BRD7: variants seen among roughly 807,000 people sequenced by gnomAD.
BRD7 encodes bromodomain-containing protein 7.
Under a neutral mutation model 82.1 loss-of-function variants are expected in BRD7, and 15 were observed. That is an observed-to-expected ratio of 0.18 (90% confidence interval 0.12 to 0.28). The LOEUF (loss-of-function observed/expected upper bound fraction) is 0.28, where lower values mean the gene tolerates loss of function less well. Among genes scored for constraint, BRD7 ranks in the 10% least tolerant of loss-of-function variants. The pLI is 1.00. For missense variants in BRD7, 638 were observed against 779.9 expected, an observed-to-expected ratio of 0.82 and a Z score of 2.17; for synonymous variants, 232 against 266.9, an observed-to-expected ratio of 0.87 and a Z score of 1.27.
At chr16:50,329,328 T>C (rs2037462816) in intron 8 of BRD7, among the ~76,000 whole-genome samples, 1 of 152,172 alleles carries the variant, frequency 6.6e-6, no homozygotes, top group African/African-American at 2.4e-5. Context: ...GTGAGGGCAG[T>C]GGCTTGCTTA....
At chr16:50,328,401 T>C (rs1481496592) in intron 9 of BRD7, among the ~76,000 whole-genome samples, 3 of 152,242 alleles carry the variant, frequency 2.0e-5, no homozygotes, top group East Asian at 1.9e-4. Context: ...GGAATTACTA[T>C]CTAAAAGTTA....
intron 2 of BRD7, among the ~76,000 whole-genome samples, chr16:50,367,564 G>A (rs2039195099): frequency 2.0e-5 from 3 of 152,198 alleles, no homozygotes; most frequent in Admixed American, 2.0e-4. Context: ...CAAGATGGTA[G>A]CTACTCATTC....
In BRD7 at chr16:50,326,349, C is replaced by G. The variant is rs770907325; in HGVS notation, c.1130G>C (p.Arg377Thr). The G allele has an allele frequency of 1.9e-6, 3 of 1,600,342 alleles. No individual in the cohort carries two copies. The highest frequency in any genetic ancestry group is 2.2e-5 in the South Asian group (2 of 90,236). Residue 377 changes from arginine to threonine, a missense_variant, in exon 10 of 17, where the codon AGA becomes ACA. Around this residue, in one of 3 missense-constraint regions of BRD7, gnomAD observed 402 missense variants for 500.8 expected, o/e 0.80. Coordinates refer to ENST00000394688, the MANE Select transcript of BRD7 (RefSeq NM_013263.5). ...CPVRLGMTTG[R>T]LQSGVNTLQG... The stretch of plus-strand genomic sequence containing the variant: ...CAAAGTATTCACTCCAGACTGAAGT[C>G]TTCCAGTTGTCATTCCCAGTCTCAC...
chr16:50,364,998 A>G (rs74861199), intron 2 of BRD7, among the ~76,000 whole-genome samples: 2,099 of 152,340 alleles, frequency 0.014, 41 homozygotes, highest in African/African-American at 0.047. Flanking sequence ...ACGTCAACAC[A>G]CTTGGGAGAC....
Position 50,350,145 on chromosome 16 carries a change from A to C in BRD7, c.469T>G (p.Ser157Ala), listed in dbSNP as rs144746973. The C allele has an allele frequency of 6.3e-7, 1 of 1,589,358 alleles. No individual in the cohort carries two copies. The highest frequency in any genetic ancestry group is 1.4e-5 in the African/African-American group (1 of 73,586). ...LQRKDPSAFFSFPVTDFIAPG... is the reference protein window; with the variant it reads ...LQRKDPSAFFAFPVTDFIAPG... ...GCAATAAAATCAGTCACAGGAAATG[A>C]AAAGAAAGCACTTGGATCTTTTCTG... The change falls in exon 5 of 17, where the codon TCA (serine) becomes GCA (alanine). Residue 157 changes from serine to alanine, a missense_variant. Transcript: ENST00000394688.
At chr16:50,366,681 A>G (rs940334561) in intron 2 of BRD7, among the ~76,000 whole-genome samples, 6 of 152,256 alleles carry the variant, frequency 3.9e-5, no homozygotes, top group African/African-American at 1.4e-4. Context: ...ATTTTGAAAT[A>G]GAAATAAGTA....
intron 6 of BRD7, among the ~76,000 whole-genome samples, chr16:50,337,256 C>CTTTTTTTTTTT (rs71138063): frequency 1.1e-5 from 1 of 93,254 alleles, no homozygotes; most frequent in Admixed American, 1.3e-4. Context: ...GTTCATTCTT[C>CTTTTTTTTTTT]TTTTTTTTTT....
intron 5 of BRD7, among the ~76,000 whole-genome samples, chr16:50,348,623 AAAG>A (rs1348179600): frequency 3.9e-5 from 6 of 152,222 alleles, no homozygotes; most frequent in African/African-American, 1.4e-4. Context: ...ACACTTCTCA[AAAG>A]AAGACATTCA....
At chr16:50,322,181 G>A in intron 12 of BRD7, 143 bp from the exon 13 acceptor site, 1 of 638,902 alleles carries the variant, frequency 1.6e-6, no homozygotes, top group Non-Finnish European at 2.7e-6. Context: ...AGGCCAAAAT[G>A]ACTAAATATA....
At position 50,338,710 on chromosome 16, in the gene BRD7, T is replaced by C. The variant is rs533595149; in HGVS notation, c.702+1266A>G. 1.9e-4 allele frequency among the ~76,000 whole-genome samples: 29 copies of C among 152,306 alleles called. 1 individual carries two copies. Among genetic ancestry groups the C allele is most frequent in the Non-Finnish European group, 3.7e-4 (25 of 68,022 alleles). ...CTCTTATCTAGAATCAGAACAGTAA[T>C]GCTAGAAATCATCTTGGAGACCACA... On this transcript the variant is annotated intron_variant, in intron 6 of 16. Transcript: ENST00000394688.
At chr16:50,360,617 G>A (rs553791821) in intron 2 of BRD7, among the ~76,000 whole-genome samples, 200 of 152,266 alleles carry the variant, frequency 1.3e-3, no homozygotes, top group Non-Finnish European at 2.2e-3. Flanking sequence ...TTACCAGGTC[G>A]TGAGGTTTAT....
chr16:50,331,398 C>A (rs2037558439), intron 8 of BRD7, among the ~76,000 whole-genome samples: 1 of 152,184 alleles, frequency 6.6e-6, no homozygotes, highest in African/African-American at 2.4e-5. Context: ...CATCACATTA[C>A]CCAATTTCAA....
intron 11 of BRD7, 115 bp from the exon 12 acceptor site, chr16:50,323,813 T>G: frequency 1.5e-6 from 1 of 688,818 alleles, no homozygotes; most frequent in Non-Finnish European, 2.6e-6. Flanking sequence ...ACATCAAATT[T>G]CTGCCTAGAC....
intron 2 of BRD7, among the ~76,000 whole-genome samples, chr16:50,359,519 C>T (rs34041623): frequency 6.6e-6 from 1 of 152,144 alleles, no homozygotes; most frequent in African/African-American, 2.4e-5. Flanking sequence ...ATATACACAG[C>T]CCTACTCTTA....
intron 5 of BRD7, among the ~76,000 whole-genome samples, chr16:50,342,924 A>T (rs1159527885): frequency 6.6e-6 from 1 of 152,150 alleles, no homozygotes; most frequent in Non-Finnish European, 1.5e-5. Flanking sequence ...CCCTGGAATC[A>T]ACACACACCA....
chr16:50,368,072 C>T lies in BRD7; in HGVS notation c.258+18G>A. 1 of 1,613,702 alleles carries T rather than the reference C, an allele frequency of 6.2e-7. No individual in the cohort carries two copies. Among genetic ancestry groups the T allele is most frequent in the Non-Finnish European group, 8.5e-7 (1 of 1,179,628 alleles). ...GGCAGTGCCGTCCGCAAAGCCAAAG[C>T]AATGTAACCACTTGTACCTTAACTC... is the stretch of plus-strand genomic sequence containing the variant. On this transcript the variant is annotated intron_variant, in intron 2 of 16. Coordinates refer to ENST00000394688, the MANE Select transcript of BRD7 (RefSeq NM_013263.5).
chr16:50,346,499 A>G (rs1262031284), intron 5 of BRD7, among the ~76,000 whole-genome samples: 5 of 152,216 alleles, frequency 3.3e-5, no homozygotes, highest in African/African-American at 1.2e-4. Flanking sequence ...TTTTGAAAAG[A>G]TCAACAAAAT....
At chr16:50,329,045 T>C (rs1177618674) in intron 8 of BRD7, among the ~76,000 whole-genome samples, 1 of 152,138 alleles carries the variant, frequency 6.6e-6, no homozygotes, top group African/African-American at 2.4e-5. Flanking sequence ...GCTCAAAAAA[T>C]TTCAGATTTT....
Position 50,325,769 on chromosome 16 carries a change from G to C in BRD7, c.1310C>G (p.Ser437Cys), listed in dbSNP as rs374381780. ...TCACCTGAAATCACTTGGAAGATCA[G>C]AGTCTTCCCCATAGGTTGAATAGAT... ...DLIYSTYGED[S>C]DLPSDFSIHE... is the part of the protein sequence containing the mutation. The change falls in exon 11 of 17, where the codon TCT becomes TGT. Residue 437 changes from serine (S) to cysteine (C), a missense_variant. Coordinates refer to ENST00000394688, the MANE Select transcript of BRD7 (RefSeq NM_013263.5). 1.1e-4 allele frequency: 176 copies of C among 1,600,120 alleles called. No individual in the cohort carries two copies. Among genetic ancestry groups the C allele is most frequent in the Non-Finnish European group, 1.4e-4 (168 of 1,176,762 alleles).
Sources: allele counts gnomAD v4.1 joint callset (sites outside exome capture counted in the v4.1 genomes callset), GRCh38; gene constraint gnomAD v4.1.1; regional missense constraint gnomAD v4.1.1; transcripts MANE v1.5; gene names NCBI Gene and HGNC (gene_info 2026-07-23, HGNC 2026-07-21).